The following GPM6A variants were observed in gnomAD, a reference collection of about 807,000 sequenced individuals.
The protein encoded by GPM6A is glycoprotein M6A.
GPM6A carries 7 observed loss-of-function variants against 32.1 expected under a neutral mutation model. That is an observed-to-expected ratio of 0.22 (90% CI 0.12 to 0.41). GPM6A has a LOEUF of 0.41. Among genes scored for constraint, GPM6A ranks in the 10% least tolerant of loss-of-function variants. GPM6A has a pLI of 1.00. For synonymous variants in GPM6A, 130 were observed against 123.4 expected (o/e 1.05, Z -0.35); for missense variants, 235 against 347.2 (o/e 0.68, Z 2.57).
chr4:175,838,467 C>T (rs768490258), intron 1 of GPM6A, among the ~76,000 whole-genome samples: 2 of 151,148 alleles, frequency 1.3e-5, no homozygotes, highest in Non-Finnish European at 3.0e-5. Flanking sequence ...GTCTACTGCA[C>T]TAAATGCTAG....
At chr4:175,807,263 A>G (rs1023486694) in intron 1 of GPM6A, 5 of 152,200 alleles carry the variant, frequency 3.3e-5, no homozygotes, top group Admixed American at 2.6e-4. Flanking sequence ...AAAAATCAAA[A>G]TCATCAAGAA....
chr4:175,944,494 T>C (rs74509362), intron 1 of GPM6A, among the ~76,000 whole-genome samples: 9,022 of 152,212 alleles, frequency 0.059, 827 homozygotes, highest in African/African-American at 0.2. Flanking sequence ...ATTCTTATCA[T>C]TCATTTACAT....
chr4:175,794,143 A>G lies in GPM6A; in HGVS notation c.37+18048T>C, dbSNP rs77084819. Among the ~76,000 whole-genome samples, 992 of 152,324 alleles carry G rather than the reference A, an allele frequency of 6.5e-3. 7 individuals are homozygous for G. Among genetic ancestry groups the G allele is most frequent in the African/African-American group, 0.022 (910 of 41,576 alleles). ...CAACTTCACCACTTACTGCTGAGTGACCTTGGAAAAATTATCAAAAATCTC... is the reference window on the plus strand; with the variant it reads ...CAACTTCACCACTTACTGCTGAGTGGCCTTGGAAAAATTATCAAAAATCTC... On this transcript the variant is annotated intron_variant, in intron 1 of 6. Transcript: ENST00000393658.
intron 1 of GPM6A, among the ~76,000 whole-genome samples, chr4:175,999,001 T>A (rs1052606907): frequency 2.6e-5 from 4 of 152,188 alleles, no homozygotes; most frequent in African/African-American, 4.8e-5. Context: ...CTTACTGCCA[T>A]GAGAAGGAGC....
intron 1 of GPM6A, among the ~76,000 whole-genome samples, chr4:175,997,384 G>T (rs148523866): frequency 6.6e-6 from 1 of 152,066 alleles, no homozygotes; most frequent in South Asian, 2.1e-4. Flanking sequence ...ATGATCAAAA[G>T]TATTATCCAG....
At chr4:175,729,953 A>G (rs891966108) in intron 1 of GPM6A, among the ~76,000 whole-genome samples, 4 of 147,888 alleles carry the variant, frequency 2.7e-5, no homozygotes, top group African/African-American at 4.9e-5. Context: ...AAATTTATGT[A>G]TATATATATA....
intron 1 of GPM6A, among the ~76,000 whole-genome samples, chr4:175,911,037 G>T (rs1014730563): frequency 6.6e-6 from 1 of 152,072 alleles, no homozygotes. Context: ...CATTGCAAAT[G>T]CTTACACATC....
intron 3 of GPM6A, among the ~76,000 whole-genome samples, chr4:175,662,268 C>T (rs61698030): frequency 0.05 from 7,547 of 152,148 alleles, 209 homozygotes; most frequent in Non-Finnish European, 0.061. Context: ...CTCGCACACA[C>T]TTTCAACTAG....
intron 1 of GPM6A, among the ~76,000 whole-genome samples, chr4:175,728,093 A>G (rs1340585028): frequency 6.6e-6 from 1 of 152,138 alleles, no homozygotes; most frequent in African/African-American, 2.4e-5. Flanking sequence ...ACTTCTGGTA[A>G]CAATGGAGCA....
At chr4:175,727,701 A>G (rs1276756114) in intron 1 of GPM6A, among the ~76,000 whole-genome samples, 1 of 152,130 alleles carries the variant, frequency 6.6e-6, no homozygotes, top group Non-Finnish European at 1.5e-5. Flanking sequence ...TAATTATACA[A>G]TTATAAAAAC....
intron 1 of GPM6A, among the ~76,000 whole-genome samples, chr4:175,956,143 G>A (rs749327359): frequency 7.2e-5 from 11 of 152,148 alleles, no homozygotes; most frequent in Non-Finnish European, 1.3e-4. Context: ...AGAACCTCTT[G>A]AGGATATTGG....
chr4:175,701,646 T>C lies in GPM6A; in HGVS notation c.159A>G (p.Gly53=), dbSNP rs754314228. Residue 53 remains glycine, a synonymous_variant, in exon 2 of 7, where the codon GGA becomes GGG. Transcript: ENST00000393658. ...FCGCGHEALS[G]TVNILQTYFE... ...AGTAGGTTTGCAGAATGTTGACAGT[T>C]CCAGAAAGCGCTTCATGACCGCAGC... The C allele has an allele frequency of 4.3e-6, 7 of 1,613,982 alleles. No individual in the cohort carries two copies. The highest frequency in any genetic ancestry group is 5.9e-6 in the Non-Finnish European group (7 of 1,179,924).
intron 1 of GPM6A, chr4:175,947,603 G>T (rs1739651407): frequency 6.6e-6 from 1 of 152,178 alleles, no homozygotes; most frequent in South Asian, 2.1e-4. Flanking sequence ...ATGAGCATTT[G>T]TGTTGTAATA....
At chr4:175,958,533 G>A (rs1740062038) in intron 1 of GPM6A, among the ~76,000 whole-genome samples, 1 of 152,114 alleles carries the variant, frequency 6.6e-6, no homozygotes, top group Non-Finnish European at 1.5e-5. Flanking sequence ...TGTAAAAATG[G>A]CTAAAACTGT....
At chr4:175,636,761 C>T (rs899381833) in intron 6 of GPM6A, among the ~76,000 whole-genome samples, 2 of 149,156 alleles carry the variant, frequency 1.3e-5, no homozygotes, top group East Asian at 3.9e-4. Flanking sequence ...ATGATACTCT[C>T]CTCTAGCCTG....
At chr4:175,636,603 C>G (rs145322053) in intron 6 of GPM6A, among the ~76,000 whole-genome samples, 6,219 of 150,198 alleles carry the variant, frequency 0.041, 166 homozygotes, top group Admixed American at 0.072. Context: ...CAAGACCAGT[C>G]TGGCCAACAT....
At chr4:175,923,082 C>T (rs1294857652) in intron 1 of GPM6A, among the ~76,000 whole-genome samples, 3 of 151,536 alleles carry the variant, frequency 2.0e-5, no homozygotes, top group Non-Finnish European at 2.9e-5. Flanking sequence ...CTATATTATT[C>T]ATATAAAAAT....
intron 2 of GPM6A, among the ~76,000 whole-genome samples, chr4:175,697,237 A>G (rs1273821076): frequency 3.9e-5 from 6 of 152,120 alleles, no homozygotes; most frequent in Non-Finnish European, 7.4e-5. Flanking sequence ...TTTCTGTATG[A>G]TATCTAATTT....
chr4:175,772,821 C>G (rs1396068135), intron 1 of GPM6A, among the ~76,000 whole-genome samples: 5 of 152,068 alleles, frequency 3.3e-5, no homozygotes, highest in Admixed American at 6.6e-5. Flanking sequence ...ATACTCATTA[C>G]AGAGTAAAAA....
Sources: gnomAD v4.1 joint callset for allele counts (sites outside exome capture counted in the v4.1 genomes callset) on GRCh38, gnomAD v4.1.1 for gene constraint, MANE v1.5 for transcripts, NCBI Gene and HGNC (gene_info 2026-07-23, HGNC 2026-07-21) for gene names.